PIAS2: variants seen among roughly 807,000 people sequenced by gnomAD.
PIAS2 encodes the protein protein inhibitor of activated STAT 2.
A neutral mutation model predicts 69.7 loss-of-function variants in PIAS2; 19 were observed. That is an observed-to-expected ratio of 0.27 (90% CI 0.19 to 0.40). The LOEUF is 0.40. PIAS2 is among the 10% of genes least tolerant of loss of function. The probability of loss-of-function intolerance (pLI) is 1.00; values close to 1 mark genes in which losing one functional copy is unlikely to be tolerated. For synonymous variants in PIAS2, 261 were observed against 263.2 expected, an observed-to-expected ratio of 0.99 and a Z score of 0.08; for missense variants, 624 against 757.0, an observed-to-expected ratio of 0.82 and a Z score of 2.06.
intron 9 of PIAS2, among the ~76,000 whole-genome samples, chr18:46,834,409 T>C (rs184251938): frequency 4.6e-5 from 7 of 152,268 alleles, no homozygotes; most frequent in Non-Finnish European, 1.5e-5. Context: ...TGACTATGTA[T>C]AGGCCAGTAA....
chr18:46,837,134 A>G (rs1182219799), intron 8 of PIAS2, among the ~76,000 whole-genome samples: 1 of 152,200 alleles, frequency 6.6e-6, no homozygotes, highest in East Asian at 1.9e-4. Flanking sequence ...TCCTAGAAGT[A>G]TAACTTTTGG....
intron 1 of PIAS2, among the ~76,000 whole-genome samples, chr18:46,912,910 T>C (rs771071309): frequency 1.3e-5 from 2 of 152,164 alleles, no homozygotes; most frequent in Non-Finnish European, 2.9e-5. Context: ...GAATAAAAAA[T>C]GTGACATCAG....
intron 3 of PIAS2, among the ~76,000 whole-genome samples, chr18:46,861,027 C>T (rs549332060): frequency 1.8e-4 from 28 of 151,928 alleles, no homozygotes; most frequent in Non-Finnish European, 3.1e-4. Flanking sequence ...CACCTGTAAT[C>T]CCAACACTTT....
chr18:46,826,475 G>A (rs56064494), intron 11 of PIAS2, among the ~76,000 whole-genome samples: 10,772 of 152,234 alleles, frequency 0.071, 416 homozygotes, highest in Non-Finnish European at 0.081. Context: ...TCAGCCAACT[G>A]CAGTACTTGC....
chr18:46,833,784 C>G (rs184638403), intron 9 of PIAS2, among the ~76,000 whole-genome samples: 13 of 152,258 alleles, frequency 8.5e-5, no homozygotes, highest in African/African-American at 3.1e-4. Flanking sequence ...GAACAAATAG[C>G]AGTTCAGAAG....
chr18:46,844,014 A>G, intron 8 of PIAS2, 40 bp downstream of exon 8: 1 of 1,172,338 alleles, frequency 8.5e-7, no homozygotes, highest in Non-Finnish European at 1.2e-6. Flanking sequence ...ATCATTTATA[A>G]AAAGTCAAAT....
In PIAS2 at chr18:46,844,142, GAA is replaced by G; in HGVS notation, c.968-17_968-16del. On this transcript the variant is annotated splice_polypyrimidine_tract_variant and intron_variant, in intron 7 of 13. Transcript: ENST00000585916. ...TTTTTCTTTAACTTTAAAAAGAAGA[GAA>G]AAAAAAAAATTTAAAAAAATTAAGG... 1 of 984,298 alleles carries G rather than the reference GAA, an allele frequency of 1.0e-6. No homozygotes were observed. The highest frequency in any genetic ancestry group is 1.4e-6 in the Non-Finnish European group (1 of 699,670). The allele number at this position is 984,298 out of a possible 1,614,324, so 61.0% of individuals were successfully genotyped here. A position where few individuals can be genotyped will look rare whatever the true frequency, so the allele number is the denominator to read the frequency against.
intron 1 of PIAS2, among the ~76,000 whole-genome samples, chr18:46,892,153 G>GA (rs1346851808): frequency 6.6e-6 from 1 of 152,038 alleles, no homozygotes; most frequent in Non-Finnish European, 1.5e-5. Flanking sequence ...CAGTATAGTG[G>GA]AAATGTGGGG....
Position 46,810,385 on chromosome 18 carries a change from C to T in PIAS2, c.*2048G>A, listed in dbSNP as rs1045696416. 6.6e-6 allele frequency: 1 copy of T among 152,034 alleles called. No homozygotes were observed. The highest frequency in any genetic ancestry group is 2.4e-5 in the African/African-American group (1 of 41,400). The allele number at this position is 152,034 out of a possible 1,614,324, so 9.4% of individuals were successfully genotyped here. ...TCATTTCTTTATAAGTCATACCACACAAACCAAGTTAAGTTTTTTCTATCT... is the reference window on the plus strand; with the variant it reads ...TCATTTCTTTATAAGTCATACCACATAAACCAAGTTAAGTTTTTTCTATCT... On this transcript the variant is annotated 3_prime_UTR_variant, in exon 14 of 14. Coordinates refer to ENST00000585916, the MANE Select transcript of PIAS2 (RefSeq NM_004671.5).
intron 12 of PIAS2, chr18:46,815,694 T>TA (rs550399651): frequency 0.06 from 37,339 of 625,130 alleles, 1 homozygote; most frequent in Non-Finnish European, 0.068. Context: ...TTGAACCATC[T>TA]AAAAAAAAAA....
At chr18:46,820,665 C>G (rs566819074) in intron 12 of PIAS2, among the ~76,000 whole-genome samples, 1 of 152,178 alleles carries the variant, frequency 6.6e-6, no homozygotes, top group Non-Finnish European at 1.5e-5. Flanking sequence ...GAAGAAGTCT[C>G]TAAGTACAAA....
rs2040718420 is a variant in PIAS2 at position 46,807,009 on chromosome 18, A to G, written c.*5424T>C. The G allele has an allele frequency of 6.6e-6, 1 of 151,950 alleles. No homozygotes were observed. The highest frequency in any genetic ancestry group is 6.6e-5 in the Admixed American group (1 of 15,250). 9.4% of individuals were successfully genotyped at this position (151,950 alleles called of 1,614,324 possible). ...CCCTGCAGCTACCCTTATTGGAAAC[A>G]TAAGGGAATATAAAGTGAAAACAGG... On this transcript the variant is annotated 3_prime_UTR_variant, in exon 14 of 14. Transcript: ENST00000585916.
chr18:46,872,910 C>T (rs1026664427), intron 2 of PIAS2, among the ~76,000 whole-genome samples: 59 of 152,170 alleles, frequency 3.9e-4, no homozygotes, highest in African/African-American at 1.3e-3. Flanking sequence ...CTACTCATCA[C>T]TGCCCCTGTC....
upstream of PIAS2, among the ~76,000 whole-genome samples, chr18:46,918,997 A>G (rs79074217): frequency 2.2e-3 from 310 of 139,672 alleles, 2 homozygotes; most frequent in African/African-American, 8.1e-3. Context: ...GTGTGCGTGT[A>G]TATATATATA....
intron 12 of PIAS2, 103 bp from the exon 13 acceptor site, chr18:46,815,452 T>C: frequency 6.4e-7 from 1 of 1,573,948 alleles, no homozygotes. Context: ...TTGTGGTAAG[T>C]GCTTACCACT....
At chr18:46,827,586 A>G (rs1169508481) in intron 11 of PIAS2, 1 of 166,774 alleles carries the variant, frequency 6.0e-6, no homozygotes, top group Non-Finnish European at 1.3e-5. Context: ...AGATCACAGA[A>G]CAAGTAAGCG....
At chr18:46,826,865 TATAAAA>T (rs1469075700) in intron 11 of PIAS2, 1 of 152,130 alleles carries the variant, frequency 6.6e-6, no homozygotes, top group Non-Finnish European at 1.5e-5. Flanking sequence ...TTCTTAAAAT[TATAAAA>T]ATAAACAATG....
chr18:46,848,102 G>C (rs1007621624), intron 5 of PIAS2, among the ~76,000 whole-genome samples: 2 of 152,178 alleles, frequency 1.3e-5, no homozygotes, highest in Non-Finnish European at 2.9e-5. Flanking sequence ...TTTTCACTCA[G>C]TCATTAATGC....
chr18:46,816,374 C>CA, intron 12 of PIAS2: 4 of 981,052 alleles, frequency 4.1e-6, no homozygotes, highest in Non-Finnish European at 4.8e-6. Flanking sequence ...AAGGGTATTA[C>CA]AAAAATGCTT....
Sources: gnomAD v4.1 joint callset for allele counts (sites outside exome capture counted in the v4.1 genomes callset) on GRCh38, gnomAD v4.1.1 for gene constraint, MANE v1.5 for transcripts, NCBI Gene and HGNC (gene_info 2026-07-23, HGNC 2026-07-21) for gene names.